EPHA6: variants seen among roughly 807,000 people sequenced by gnomAD.
EPHA6 encodes EPH receptor A6.
In EPHA6, 50 loss-of-function variants were observed where a neutral mutation model predicts 112.0. The ratio of observed to expected loss-of-function variants is 0.45; its 90% CI spans 0.36 to 0.56. The LOEUF (loss-of-function observed/expected upper bound fraction) is 0.56. Ranked by LOEUF, EPHA6 falls within the 20% of genes least tolerant of loss-of-function variation. EPHA6 has a pLI of 0.00. For synonymous variants in EPHA6, 529 were observed against 490.7 expected (o/e 1.08, Z -1.03); for missense variants, 1,280 against 1,417.4 (o/e 0.90, Z 1.56).
intron 1 of EPHA6, among the ~76,000 whole-genome samples, chr3:96,815,331 A>C (rs1235085455): frequency 6.6e-6 from 1 of 152,050 alleles, no homozygotes; most frequent in Non-Finnish European, 1.5e-5. Flanking sequence ...TCCGTGGCAC[A>C]GACTTAATGG....
In EPHA6 at chr3:97,549,366, G is replaced by A. The variant is rs561866590; in HGVS notation, c.2386+16823G>A. Among the ~76,000 whole-genome samples the A allele has an allele frequency of 1.1e-4, 16 of 152,238 alleles. No homozygotes were observed. The East Asian group carries it at 3.1e-3, about 29-fold the overall frequency. ...AGTGATTGACTTGCAAACACTAAAG[G>A]TGATTAAAGATGAGAAAATTGGAAA... On this transcript the variant is annotated intron_variant, in intron 11 of 17. Coordinates refer to ENST00000389672, the MANE Select transcript of EPHA6 (RefSeq NM_001080448.3).
chr3:97,074,567 C>A (rs1380663011), intron 3 of EPHA6, among the ~76,000 whole-genome samples: 2 of 151,796 alleles, frequency 1.3e-5, no homozygotes, highest in African/African-American at 4.8e-5. Context: ...ACTTTTAATG[C>A]ACCAAAGATT....
intron 2 of EPHA6, among the ~76,000 whole-genome samples, chr3:96,875,344 G>C (rs2036882275): frequency 6.6e-6 from 1 of 152,004 alleles, no homozygotes; most frequent in South Asian, 2.1e-4. Context: ...GTTTATTATA[G>C]AGTCCCTAAA....
chr3:97,452,389 A>G (rs1446487128), intron 7 of EPHA6, among the ~76,000 whole-genome samples: 1 of 151,850 alleles, frequency 6.6e-6, no homozygotes, highest in Non-Finnish European at 1.5e-5. Context: ...GATCAAATTG[A>G]CTGAAGATAT....
intron 3 of EPHA6, among the ~76,000 whole-genome samples, chr3:97,111,081 G>A (rs2047710037): frequency 6.6e-6 from 1 of 152,100 alleles, no homozygotes; most frequent in Admixed American, 6.6e-5. Flanking sequence ...ACTGCCTAGT[G>A]AGCATCCTCA....
chr3:97,631,589 T>C lies in EPHA6; in HGVS notation c.2575-6284T>C, dbSNP rs1298042992. ...TATGGACCAAATTTCCATTACTTCTTTTTTTAGCTTAAATTGTCATTATCC... is the reference window on the plus strand; with the variant it reads ...TATGGACCAAATTTCCATTACTTCTCTTTTTAGCTTAAATTGTCATTATCC... On this transcript the variant is annotated intron_variant, in intron 13 of 17. Coordinates refer to ENST00000389672, the MANE Select transcript of EPHA6 (RefSeq NM_001080448.3). Among the ~76,000 whole-genome samples the C allele has an allele frequency of 2.6e-5, 4 of 151,992 alleles. No individual in the cohort carries two copies. In the East Asian group the frequency reaches 7.7e-4, roughly 29 times the overall value.
Position 97,751,037 on chromosome 3 carries a change from TA to T in EPHA6, c.*2339del, listed in dbSNP as rs2035888619. Among the ~76,000 whole-genome samples the T allele has an allele frequency of 6.6e-6, 1 of 152,106 alleles. No homozygotes were observed. Among genetic ancestry groups the T allele is most frequent in the African/African-American group, 2.4e-5 (1 of 41,436 alleles). On this transcript the variant is annotated 3_prime_UTR_variant, in exon 18 of 18. Coordinates refer to ENST00000389672, the MANE Select transcript of EPHA6 (RefSeq NM_001080448.3). ...TATTTACCTATCTTCAAATATATAT[TA>T]AATAAGAACAGATATAAAACAGATT...
chr3:97,734,495 C>T (rs1323032801), intron 15 of EPHA6, among the ~76,000 whole-genome samples: 1 of 151,974 alleles, frequency 6.6e-6, no homozygotes, highest in Non-Finnish European at 1.5e-5. Flanking sequence ...AAAATGCTAG[C>T]ATCCTGACAG....
intron 1 of EPHA6, among the ~76,000 whole-genome samples, chr3:96,824,217 A>G (rs115270738): frequency 0.025 from 3,869 of 151,904 alleles, 168 homozygotes; most frequent in African/African-American, 0.086. Flanking sequence ...GAAATGTGGA[A>G]TTAAATTTAA....
intron 2 of EPHA6, among the ~76,000 whole-genome samples, chr3:96,910,866 A>G (rs2039181958): frequency 6.6e-6 from 1 of 152,034 alleles, no homozygotes; most frequent in South Asian, 2.1e-4. Flanking sequence ...CTTGTTTACC[A>G]CTGTATGTAT....
Position 97,655,940 on chromosome 3 carries a change from C to T in EPHA6, c.2784+17858C>T, listed in dbSNP as rs544676932. 2.6e-5 allele frequency among the ~76,000 whole-genome samples: 4 copies of T among 151,512 alleles called. No homozygotes were observed. The East Asian group carries it at 7.8e-4, about 29-fold the overall frequency. On this transcript the variant is annotated intron_variant, in intron 14 of 17. Coordinates refer to ENST00000389672, the MANE Select transcript of EPHA6 (RefSeq NM_001080448.3). Reference sequence around the variant, plus strand: ...AAGAGAAAGATCTCTTAGTCTTTGGCGATAGATGTTACAAATGCAAACACA... The same window carrying T: ...AAGAGAAAGATCTCTTAGTCTTTGGTGATAGATGTTACAAATGCAAACACA...
chr3:97,305,611 A>T (rs1576899394), intron 5 of EPHA6, among the ~76,000 whole-genome samples: 1 of 151,978 alleles, frequency 6.6e-6, no homozygotes, highest in East Asian at 1.9e-4. Flanking sequence ...GCAAACTAAC[A>T]CAACAACAGA....
chr3:97,736,680 C>CA (rs1225561171), intron 16 of EPHA6, among the ~76,000 whole-genome samples: 1 of 151,076 alleles, frequency 6.6e-6, no homozygotes, highest in Admixed American at 6.6e-5. Context: ...GAACAGATAA[C>CA]AAGACAAGAA....
intron 2 of EPHA6, among the ~76,000 whole-genome samples, chr3:96,907,484 T>G (rs1282975110): frequency 8.2e-6 from 1 of 122,004 alleles, no homozygotes. Context: ...AAAAATTCAT[T>G]TTGATATTTC....
chr3:96,836,875 C>T (rs1451604724), intron 1 of EPHA6, among the ~76,000 whole-genome samples: 1 of 152,154 alleles, frequency 6.6e-6, no homozygotes, highest in African/African-American at 2.4e-5. Context: ...GTCTACCATT[C>T]TGCATAGATA....
chr3:97,224,040 A>T (rs188681424), intron 3 of EPHA6, among the ~76,000 whole-genome samples: 1 of 152,120 alleles, frequency 6.6e-6, no homozygotes, highest in Non-Finnish European at 1.5e-5. Context: ...AGAAAAAAAA[A>T]ATTTAAAATC....
intron 3 of EPHA6, among the ~76,000 whole-genome samples, chr3:97,032,466 A>AC (rs1030915067): frequency 6.6e-6 from 1 of 151,748 alleles, no homozygotes; most frequent in Non-Finnish European, 1.5e-5. Flanking sequence ...TAAAAAGAAT[A>AC]AAAAAAAGGA....
At chr3:97,447,729 T>G in intron 6 of EPHA6, 1 of 1,011,282 alleles carries the variant, frequency 9.9e-7, no homozygotes, top group Non-Finnish European at 1.2e-6. Context: ...TCATCCAGAA[T>G]GCCCTGGCAA....
At chr3:97,698,368 A>G (rs1576310216) in intron 14 of EPHA6, among the ~76,000 whole-genome samples, 1 of 152,060 alleles carries the variant, frequency 6.6e-6, no homozygotes, top group Non-Finnish European at 1.5e-5. Flanking sequence ...AAAAAAATGC[A>G]TGATAATCAA....
Sources: gnomAD v4.1 joint callset for allele counts (sites outside exome capture counted in the v4.1 genomes callset) on GRCh38, gnomAD v4.1.1 for gene constraint, MANE v1.5 for transcripts, NCBI Gene and HGNC (gene_info 2026-07-23, HGNC 2026-07-21) for gene names.